Variants in CARD10 observed in about 807,000 individuals in gnomAD.
The protein encoded by CARD10 is caspase recruitment domain family member 10, also known as caspase recruitment domain-containing protein 10.
In CARD10, 49 loss-of-function variants were observed where a neutral mutation model predicts 114.6. The observed-to-expected ratio is 0.43, with a 90% CI of 0.34 to 0.54. The LOEUF (loss-of-function observed/expected upper bound fraction) is 0.54. Among genes scored for constraint, CARD10 ranks in the 20% least tolerant of loss-of-function variants. The pLI is 0.03. For synonymous variants in CARD10, 602 were observed against 593.2 expected, an observed-to-expected ratio of 1.01 and a Z score of -0.21; for missense variants, 1,206 against 1,397.2, an observed-to-expected ratio of 0.86 and a Z score of 2.18.
chr22:37,496,465 G>A lies in CARD10; in HGVS notation c.2043C>T (p.Ser681=). The change falls in exon 13 of 20, where the codon TCC becomes TCT. Residue 681 remains serine, a synonymous_variant. Coordinates refer to ENST00000251973, the MANE Select transcript of CARD10 (RefSeq NM_014550.4). This position sits in a 1 kb window ranked among gnomAD's most constrained non-coding sequence, Gnocchi z 4.1. The part of the protein sequence containing the change: ...LLWNQGSTLP[S]LMDSKACQSF... ...CAGACTTACCCTTCGAGTCCATCAGGGAGGGGAGTGTGGACCCCTGATTCC... is the reference window on the plus strand; with the variant it reads ...CAGACTTACCCTTCGAGTCCATCAGAGAGGGGAGTGTGGACCCCTGATTCC... 6.2e-7 allele frequency: 1 copy of A among 1,612,988 alleles called. No homozygotes were observed. The highest frequency in any genetic ancestry group is 8.5e-7 in the Non-Finnish European group (1 of 1,179,172).
At chr22:37,500,682 C>A (rs1923181259) in intron 11 of CARD10, among the ~76,000 whole-genome samples, 1 of 152,164 alleles carries the variant, frequency 6.6e-6, no homozygotes, top group African/African-American at 2.4e-5. Flanking sequence ...GGAGGCACAT[C>A]GGAATCTCCA....
chr22:37,497,679 T>C (rs927483037), intron 11 of CARD10, among the ~76,000 whole-genome samples: 3 of 151,820 alleles, frequency 2.0e-5, no homozygotes, highest in Admixed American at 1.3e-4. Context: ...CTGGCCAACA[T>C]AGTGAAACCC....
rs1923956299 is a variant in CARD10, at chr22:37,519,385, G to C, written c.-185C>G. The C allele has an allele frequency of 8.3e-7, 1 of 1,211,314 alleles. No homozygotes were observed. Among genetic ancestry groups the C allele is most frequent in the African/African-American group, 1.6e-5 (1 of 63,536 alleles). The allele number at this position is 1,211,314 out of a possible 1,614,324, so 75.0% of individuals were successfully genotyped here. A position where few individuals can be genotyped will look rare whatever the true frequency, so the allele number is the denominator to read the frequency against. On this transcript the variant is annotated 5_prime_UTR_variant, in exon 1 of 20. Transcript: ENST00000251973. This position sits in a 1 kb window ranked among gnomAD's most constrained non-coding sequence, Gnocchi z 4.1. ...CCTCGGGCTCCCGGGTCCGCACTCG[G>C]GCGGCGGCTCCGCCGGCGCAGGGGG... is the stretch of plus-strand genomic sequence containing the variant.
rs1196714708 is a variant in CARD10 at position 37,496,772 on chromosome 22, G to C, written c.1948-212C>G. 1 of 628,808 alleles carries C rather than the reference G, an allele frequency of 1.6e-6. No homozygotes were observed. The highest frequency in any genetic ancestry group is 1.8e-5 in the African/African-American group (1 of 54,110). 39.0% of individuals were successfully genotyped at this position (628,808 alleles called of 1,614,324 possible). A position where few individuals can be genotyped will look rare whatever the true frequency, so the allele number is the denominator to read the frequency against. On this transcript the variant is annotated intron_variant, in intron 12 of 19. Coordinates refer to ENST00000251973, the MANE Select transcript of CARD10 (RefSeq NM_014550.4). The surrounding 1 kb of genome is among the most constrained non-coding windows in gnomAD (Gnocchi z 4.1). Reference sequence around the variant, plus strand: ...CTCCCCAACCCGCCCAGCTCATCCAGGTCTTTCTCGACTTGAAGCGCAGGA... The same window carrying C: ...CTCCCCAACCCGCCCAGCTCATCCACGTCTTTCTCGACTTGAAGCGCAGGA...
chr22:37,500,763 G>A (rs929969204), intron 11 of CARD10, among the ~76,000 whole-genome samples: 3 of 152,312 alleles, frequency 2.0e-5, no homozygotes, highest in South Asian at 2.1e-4. Flanking sequence ...CCTGGTCTGT[G>A]TAACGAGGTT....
chr22:37,492,952 G>T lies in CARD10; in HGVS notation c.2477-150C>A. ...ATGCACACACACACACCCTTAGTAG[G>T]ACCGACGGTGGCAGTAGGCTCCTCC... On this transcript the variant is annotated intron_variant, in intron 16 of 19. Transcript: ENST00000251973. The surrounding 1 kb of genome is among the most constrained non-coding windows in gnomAD (Gnocchi z 5.7). 1.3e-6 allele frequency: 1 copy of T among 780,588 alleles called. No homozygotes were observed. The highest frequency in any genetic ancestry group is 2.0e-6 in the Non-Finnish European group (1 of 500,092). 48.4% of individuals were successfully genotyped at this position (780,588 alleles called of 1,614,324 possible).
At chr22:37,504,561 A>C in intron 8 of CARD10, 74 bp downstream of exon 8, 1 of 1,457,354 alleles carries the variant, frequency 6.9e-7, no homozygotes, top group Non-Finnish European at 9.1e-7. Flanking sequence ...TGGATCCTTC[A>C]GAAAGCACTC....
Position 37,496,623 on chromosome 22 carries a change from G to A in CARD10, c.1948-63C>T, listed in dbSNP as rs1301152634. 2 of 1,185,922 alleles carry A rather than the reference G, an allele frequency of 1.7e-6. No homozygotes were observed. Among genetic ancestry groups the A allele is most frequent in the Admixed American group, 1.9e-5 (1 of 53,838 alleles). The allele number at this position is 1,185,922 out of a possible 1,614,324, so 73.5% of individuals were successfully genotyped here. ...CCTCTGAGAGTAGAGCAGCCCAGGG[G>A]CTGGAGGAAGACCAGGTGTGGGGGT... On this transcript the variant is annotated intron_variant, in intron 12 of 19. Transcript: ENST00000251973. This position sits in a 1 kb window ranked among gnomAD's most constrained non-coding sequence, Gnocchi z 4.1.
intron 3 of CARD10, among the ~76,000 whole-genome samples, chr22:37,512,506 C>T (rs7288886): frequency 0.017 from 2,587 of 150,408 alleles, 118 homozygotes; most frequent in African/African-American, 0.061. Context: ...CACACACACA[C>T]ACACACACAC....
chr22:37,504,137 C>T (rs1395140429), intron 9 of CARD10, 49 bp downstream of exon 9: 24 of 1,348,256 alleles, frequency 1.8e-5, no homozygotes, highest in Middle Eastern at 1.8e-4. Context: ...GTTCGGGAAA[C>T]GGCAGCCCCA....
chr22:37,510,614 G>A (rs1290622242), intron 3 of CARD10, 193 bp from the exon 4 acceptor site: 2 of 583,858 alleles, frequency 3.4e-6, no homozygotes, highest in South Asian at 2.3e-5. Context: ...GGCTGAGGAA[G>A]GAGCAGTGGG....
At chr22:37,503,482 C>T (rs1923293744) in intron 9 of CARD10, among the ~76,000 whole-genome samples, 1 of 152,156 alleles carries the variant, frequency 6.6e-6, no homozygotes, top group South Asian at 2.1e-4. Context: ...TCTTTCAATG[C>T]CACCTCCTCC....
Position 37,491,232 on chromosome 22 carries a change from A to G in CARD10, c.3026T>C (p.Leu1009Pro). The change falls in exon 20 of 20, where the codon CTG becomes CCG. Residue 1009 changes from leucine to proline, a missense_variant. Around this residue, in one of 2 missense-constraint regions of CARD10, gnomAD observed 1,068 missense variants for 1,179.1 expected, o/e 0.91. Coordinates refer to ENST00000251973, the MANE Select transcript of CARD10 (RefSeq NM_014550.4). ...CCACACGAGGCGGGCCTGCTCCTGCAGGATGCGGCCGCGCACCACCTTGGC... is the reference window on the plus strand; with the variant it reads ...CCACACGAGGCGGGCCTGCTCCTGCGGGATGCGGCCGCGCACCACCTTGGC... ...ELAKVVRGRI[L>P]QEQARLVWVE... is the part of the protein sequence containing the mutation. 1 of 1,567,356 alleles carries G rather than the reference A, an allele frequency of 6.4e-7. No homozygotes were observed.
Position 37,504,174 on chromosome 22 carries a change from C to G in CARD10, c.1634+12G>C, listed in dbSNP as rs1456923281. 3 of 1,539,448 alleles carry G rather than the reference C, an allele frequency of 1.9e-6. No individual in the cohort carries two copies. The African/African-American group carries it at 4.1e-5, about 21-fold the overall frequency. On this transcript the variant is annotated intron_variant, in intron 9 of 19. Transcript: ENST00000251973. ...CTCCCTGGGTGTCTACTGCTATCCC[C>G]AGCCATCTCACCTCTTAGGGGGTGC...
chr22:37,491,703 G>A, intron 19 of CARD10, 52 bp downstream of exon 19: 1 of 1,056,218 alleles, frequency 9.5e-7, no homozygotes, highest in East Asian at 2.5e-5. Context: ...TCCTCAAGGA[G>A]GAAGCTCTCA....
Position 37,491,763 on chromosome 22 carries a change from C to T in CARD10, c.2856G>A (p.Arg952=). The T allele has an allele frequency of 2.6e-6, 4 of 1,557,264 alleles. No homozygotes were observed. The highest frequency in any genetic ancestry group is 1.4e-5 in the African/African-American group (1 of 72,628). The change falls in exon 19 of 20, where the codon CGG becomes CGA. Residue 952 remains arginine (R), a synonymous_variant. Coordinates refer to ENST00000251973, the MANE Select transcript of CARD10 (RefSeq NM_014550.4). ...IHVEVTEKNV[R]EVRGLLGRPG... ...CCACCCACCCACCTCACCTGACTTC[C>T]CGGACATTCTTCTCAGTCACCTCCA...
In CARD10 at chr22:37,496,654, A is replaced by G; in HGVS notation, c.1948-94T>C. On this transcript the variant is annotated intron_variant, in intron 12 of 19. Coordinates refer to ENST00000251973, the MANE Select transcript of CARD10 (RefSeq NM_014550.4). This position sits in a 1 kb window ranked among gnomAD's most constrained non-coding sequence, Gnocchi z 4.1. ...GGAAGACCAGGTGTGGGGGTGTTTCATGCCTCACAGTTCAGATAGCGCCCC... is the reference window on the plus strand; with the variant it reads ...GGAAGACCAGGTGTGGGGGTGTTTCGTGCCTCACAGTTCAGATAGCGCCCC... 1.1e-6 allele frequency: 1 copy of G among 878,294 alleles called. No homozygotes were observed. Among genetic ancestry groups the G allele is most frequent in the Non-Finnish European group, 1.8e-6 (1 of 547,702 alleles). The allele number at this position is 878,294 out of a possible 1,614,324, so 54.4% of individuals were successfully genotyped here.
chr22:37,499,625 C>A (rs1923140401), intron 11 of CARD10, among the ~76,000 whole-genome samples: 3 of 152,092 alleles, frequency 2.0e-5, no homozygotes, highest in Admixed American at 6.6e-5. Flanking sequence ...TCCTGCAGCT[C>A]CCTGAAGACC....
rs377677573 is a variant in CARD10 at position 37,492,386 on chromosome 22, C to G, written c.2751+49G>C. The G allele has an allele frequency of 5.2e-6, 7 of 1,358,418 alleles. No individual in the cohort carries two copies. Among genetic ancestry groups the G allele is most frequent in the Non-Finnish European group, 7.0e-6 (7 of 998,326 alleles). 84.1% of individuals were successfully genotyped at this position (1,358,418 alleles called of 1,614,324 possible). On this transcript the variant is annotated intron_variant, in intron 18 of 19. Transcript: ENST00000251973. This position sits in a 1 kb window ranked among gnomAD's most constrained non-coding sequence, Gnocchi z 5.7. ...CGCTCAAGCCCAGAACAGCAGCACC[C>G]GCTCTGGGCCACCTCTGTGAGCACC... is the stretch of plus-strand genomic sequence containing the variant.
Sources: gnomAD v4.1 joint callset for allele counts (sites outside exome capture counted in the v4.1 genomes callset) on GRCh38, gnomAD v4.1.1 for gene constraint, gnomAD v4.1.1 regional missense constraint, Gnocchi (gnomAD v3.1) non-coding constraint, MANE v1.5 for transcripts, NCBI Gene and HGNC (gene_info 2026-07-23, HGNC 2026-07-21) for gene names.